The following ZNF695 variants were observed in gnomAD, a reference collection of about 807,000 sequenced individuals.
The protein encoded by ZNF695 is zinc finger protein 695, also known as zinc finger protein SBZF3.
In ZNF695, 11 loss-of-function variants were observed where a neutral mutation model predicts 11.2. The ratio of observed to expected loss-of-function variants is 0.98; its 90% confidence interval spans 0.62 to 1.62. The LOEUF is 1.62. ZNF695 is among the 40% of genes most tolerant of loss of function. ZNF695 has a pLI of 0.00. For missense variants in ZNF695, 559 were observed against 590.5 expected (o/e 0.95, Z 0.55); for synonymous variants, 190 against 201.4 (o/e 0.94, Z 0.48).
At chr1:246,988,886 C>T (rs1245041483) in intron 3 of ZNF695, among the ~76,000 whole-genome samples, 1 of 151,712 alleles carries the variant, frequency 6.6e-6, no homozygotes, top group African/African-American at 2.4e-5. Context: ...GTCAGGAGAT[C>T]GAGACCGTCC....
At chr1:246,974,050 C>A (rs1327753214) in intron 4 of ZNF695, among the ~76,000 whole-genome samples, 5 of 151,542 alleles carry the variant, frequency 3.3e-5, no homozygotes, top group African/African-American at 1.2e-4. Flanking sequence ...AGTATTTTTT[C>A]ATAAGCAGAT....
At chr1:246,980,550 G>A (rs1338006820), downstream of ZNF695, among the ~76,000 whole-genome samples, 4 of 151,458 alleles carry the variant, frequency 2.6e-5, no homozygotes, top group South Asian at 2.1e-4. Context: ...CCAAGCAGCC[G>A]AGATTACAGG....
chr1:246,980,417 C>CT (rs34908832), downstream of ZNF695, among the ~76,000 whole-genome samples: 3,579 of 127,358 alleles, frequency 0.028, 62 homozygotes, highest in African/African-American at 0.034. Flanking sequence ...CCCCCTGCCA[C>CT]TTTTTTTTTT....
intron 4 of ZNF695, among the ~76,000 whole-genome samples, chr1:246,978,311 T>C (rs1357618794): frequency 1.3e-5 from 2 of 152,378 alleles, no homozygotes; most frequent in East Asian, 3.8e-4. Flanking sequence ...AGCTGTCTAA[T>C]CATTTGATTA....
In ZNF695 at chr1:246,987,158, T is replaced by G. The variant is rs773202768; in HGVS notation, c.1357A>C (p.Asn453His). 5 of 1,612,598 alleles carry G rather than the reference T, an allele frequency of 3.1e-6. No homozygotes were observed. Among genetic ancestry groups the G allele is most frequent in the African/African-American group, 1.3e-5 (1 of 74,424 alleles). ...TCTCCAGTATGAATTCTCTTATGAT[T>G]AGTAAGATATGAAAACCAGTTAAAA... The part of the protein sequence containing the change: ...KAFNWFSYLT[N>H]HKRIHTGEKP... Residue 453 changes from asparagine to histidine, a missense_variant, in exon 4 of 4, where the codon AAT (asparagine) becomes CAT (histidine). Asn to His is a moderately conservative substitution (Grantham distance 68). Transcript: ENST00000339986.
chr1:246,975,440 A>G (rs147424953), intron 4 of ZNF695, among the ~76,000 whole-genome samples: 29 of 152,342 alleles, frequency 1.9e-4, no homozygotes, highest in Admixed American at 5.9e-4. Context: ...TGCCTTCTAG[A>G]AGCTTAGTCT....
chr1:247,003,827 T>C (rs1669458352), intron 1 of ZNF695, among the ~76,000 whole-genome samples: 1 of 152,252 alleles, frequency 6.6e-6, no homozygotes, highest in African/African-American at 2.4e-5. Context: ...TGTTGGTAAA[T>C]ACATTATGTT....
downstream of ZNF695, chr1:246,985,223 A>C: frequency 1.1e-6 from 1 of 879,640 alleles, no homozygotes; most frequent in Non-Finnish European, 1.4e-6. Context: ...CCAAAACTAA[A>C]AGCATGTATA....
intron 5 of ZNF695, among the ~76,000 whole-genome samples, chr1:246,954,600 G>C (rs1186655133): frequency 2.0e-5 from 3 of 152,138 alleles, no homozygotes; most frequent in African/African-American, 7.2e-5. Context: ...TTGGAATCAG[G>C]CTTCTATATA....
chr1:246,983,516 C>G (rs1337628964), downstream of ZNF695, among the ~76,000 whole-genome samples: 1 of 151,602 alleles, frequency 6.6e-6, no homozygotes, highest in East Asian at 1.9e-4. Flanking sequence ...CTCAAACTCT[C>G]CAGTTAAAAG....
At position 246,987,609 on chromosome 1, in the gene ZNF695, G is replaced by A; in HGVS notation, c.906C>T (p.Gly302=). The change falls in exon 4 of 4, where the codon GGC becomes GGT. Residue 302 remains glycine (G), a synonymous_variant. Transcript: ENST00000339986. ...GGTATGGGAACAACTTAAAGGATTTGCCACATTCTTCACATTTGTATGGTT... is the reference window on the plus strand; with the variant it reads ...GGTATGGGAACAACTTAAAGGATTTACCACATTCTTCACATTTGTATGGTT... ...GEKPYKCEEC[G]KSFKLFPYLT... The A allele has an allele frequency of 6.2e-7, 1 of 1,602,218 alleles. No homozygotes were observed. The highest frequency in any genetic ancestry group is 8.5e-7 in the Non-Finnish European group (1 of 1,175,662).
chr1:246,999,834 G>T, intron 2 of ZNF695, 78 bp downstream of exon 2: 1 of 1,414,212 alleles, frequency 7.1e-7, no homozygotes, highest in Non-Finnish European at 9.8e-7. Flanking sequence ...TTTCTTGAAA[G>T]CAGTGATGTG....
At chr1:247,000,107 C>T (rs747680607) in intron 1 of ZNF695, 33 bp from the exon 2 acceptor site, 95 of 1,566,718 alleles carry the variant, frequency 6.1e-5, no homozygotes, top group Middle Eastern at 1.7e-4. Flanking sequence ...CAAGTGGTCA[C>T]GGCAGAGTTC....
intron 4 of ZNF695, among the ~76,000 whole-genome samples, chr1:246,975,301 A>C (rs1668528501): frequency 6.6e-6 from 1 of 152,206 alleles, no homozygotes; most frequent in Non-Finnish European, 1.5e-5. Context: ...AGAAATTGTA[A>C]CTTCGGAACA....
At chr1:246,956,884 T>C (rs1030437911) in intron 5 of ZNF695, among the ~76,000 whole-genome samples, 9 of 152,086 alleles carry the variant, frequency 5.9e-5, no homozygotes, top group Non-Finnish European at 1.2e-4. Flanking sequence ...GATTACTCAG[T>C]ATAACGTCCT....
At chr1:246,966,049 A>G (rs1163264580) in intron 5 of ZNF695, among the ~76,000 whole-genome samples, 1 of 152,010 alleles carries the variant, frequency 6.6e-6, no homozygotes, top group Non-Finnish European at 1.5e-5. Context: ...AAAGTGAAGG[A>G]GCAAGTCATG....
intron 1 of ZNF695, among the ~76,000 whole-genome samples, chr1:247,006,224 C>CAA (rs1459530224): frequency 5.8e-5 from 3 of 51,786 alleles, no homozygotes; most frequent in Non-Finnish European, 3.9e-5. Flanking sequence ...GACTCTGTCT[C>CAA]AAAAAAAAAA....
intron 5 of ZNF695, chr1:246,966,992 G>A (rs1187427721): frequency 2.5e-6 from 1 of 392,278 alleles, no homozygotes; most frequent in East Asian, 7.2e-5. Context: ...AGGCTGGAGT[G>A]CAATGGCGCA....
chr1:246,966,265 C>T (rs1668288139), intron 5 of ZNF695, among the ~76,000 whole-genome samples: 1 of 151,956 alleles, frequency 6.6e-6, no homozygotes, highest in South Asian at 2.1e-4. Flanking sequence ...AAGGCAGGCG[C>T]ATCACTTGAG....
Sources: gnomAD v4.1 joint callset for allele counts (sites outside exome capture counted in the v4.1 genomes callset) on GRCh38, gnomAD v4.1.1 for gene constraint, MANE v1.5 for transcripts, NCBI Gene and HGNC (gene_info 2026-07-23, HGNC 2026-07-21) for gene names.